Variants in PRKCH observed in about 807,000 individuals in gnomAD.
PRKCH encodes protein kinase C eta, also known as protein kinase C eta type.
Under a neutral mutation model 82.5 loss-of-function variants are expected in PRKCH, and 28 were observed. The observed-to-expected ratio is 0.34, with a 90% CI of 0.25 to 0.47. The LOEUF is 0.47. Among genes scored for constraint, PRKCH ranks in the 20% least tolerant of loss-of-function variants. The pLI, the probability that PRKCH is intolerant of heterozygous loss-of-function variation, is 1.00. For missense variants in PRKCH, 705 were observed against 881.8 expected (o/e 0.80, Z 2.54); for synonymous variants, 322 against 327.4 (o/e 0.98, Z 0.18).
At chr14:61,201,405 G>C (rs1355748422) in intron 1 of PRKCH, among the ~76,000 whole-genome samples, 1 of 151,964 alleles carries the variant, frequency 6.6e-6, no homozygotes, top group East Asian at 1.9e-4. Context: ...ATGATATATT[G>C]CTTCTGGCTA....
intron 2 of PRKCH, among the ~76,000 whole-genome samples, chr14:61,402,355 T>A (rs1594666592): frequency 6.6e-6 from 1 of 152,234 alleles, no homozygotes; most frequent in South Asian, 2.1e-4. Context: ...TGTTTACTTT[T>A]GTGTGGTATT....
intron 1 of PRKCH, among the ~76,000 whole-genome samples, chr14:61,271,146 C>A (rs539352880): frequency 5.1e-4 from 78 of 152,276 alleles, no homozygotes; most frequent in Admixed American, 9.2e-4. Context: ...CACTAGTGTA[C>A]CCACCTCCCA....
chr14:61,206,416 G>A (rs949682058), intron 1 of PRKCH, among the ~76,000 whole-genome samples: 8 of 152,100 alleles, frequency 5.3e-5, no homozygotes, highest in African/African-American at 1.9e-4. Flanking sequence ...TCTTCTTATA[G>A]GAAACCAATC....
chr14:61,377,292 C>T (rs78591535), intron 1 of PRKCH, among the ~76,000 whole-genome samples: 350 of 152,254 alleles, frequency 2.3e-3, no homozygotes, highest in Non-Finnish European at 4.1e-3. Context: ...TTTTCCTGTG[C>T]TCTTTCTTGA....
intron 1 of PRKCH, among the ~76,000 whole-genome samples, chr14:61,225,376 C>A (rs568611789): frequency 6.6e-6 from 1 of 152,182 alleles, no homozygotes; most frequent in African/African-American, 2.4e-5. Flanking sequence ...TTCCTTCCTG[C>A]CAAGGGGAGA....
chr14:61,325,817 C>A (rs2140121099), intron 1 of PRKCH, among the ~76,000 whole-genome samples: 1 of 152,262 alleles, frequency 6.6e-6, no homozygotes, highest in Non-Finnish European at 1.5e-5. Flanking sequence ...TCAAATATTT[C>A]AATAGGCACT....
Position 61,550,678 on chromosome 14 carries a change from G to C in PRKCH, c.*847G>C, listed in dbSNP as rs145237577. ...TCACTGCCACAACAGCACAGTCAGC[G>C]GGTGAATTACAGGTGCCTGCTGCCT... On this transcript the variant is annotated 3_prime_UTR_variant, in exon 14 of 14. Coordinates refer to ENST00000332981, the MANE Select transcript of PRKCH (RefSeq NM_006255.5). The C allele has an allele frequency of 6.5e-6, 1 of 152,732 alleles. No homozygotes were observed. The highest frequency in any genetic ancestry group is 1.9e-4 in the East Asian group (1 of 5,186). The allele number at this position is 152,732 out of a possible 1,614,324, so 9.5% of individuals were successfully genotyped here.
intron 10 of PRKCH, among the ~76,000 whole-genome samples, chr14:61,521,364 A>G (rs1018592624): frequency 3.3e-5 from 5 of 152,154 alleles, no homozygotes; most frequent in Non-Finnish European, 5.9e-5. Flanking sequence ...TTATTTAGCC[A>G]TTCCACGGTT....
At chr14:61,201,658 TTAC>T (rs2044483091) in intron 1 of PRKCH, among the ~76,000 whole-genome samples, 1 of 152,166 alleles carries the variant, frequency 6.6e-6, no homozygotes, top group African/African-American at 2.4e-5. Flanking sequence ...TTATTTAACA[TTAC>T]TACATCAAAA....
At chr14:61,228,718 T>G (rs2140057700) in intron 1 of PRKCH, among the ~76,000 whole-genome samples, 1 of 152,008 alleles carries the variant, frequency 6.6e-6, no homozygotes, top group South Asian at 2.1e-4. Flanking sequence ...GGGAAAGAGT[T>G]TTTCTTTCCT....
At chr14:61,508,518 A>T (rs1304943716) in intron 10 of PRKCH, among the ~76,000 whole-genome samples, 1 of 152,114 alleles carries the variant, frequency 6.6e-6, no homozygotes, top group Non-Finnish European at 1.5e-5. Flanking sequence ...TAGTTGGGTA[A>T]AAGGATCAGT....
intron 1 of PRKCH, among the ~76,000 whole-genome samples, chr14:61,349,895 A>T (rs1183681846): frequency 6.6e-6 from 1 of 152,106 alleles, no homozygotes; most frequent in East Asian, 1.9e-4. Context: ...TGGTATGTCC[A>T]AGTCTGTGTT....
intron 10 of PRKCH, among the ~76,000 whole-genome samples, chr14:61,499,307 T>C (rs1886797445): frequency 6.6e-6 from 1 of 152,196 alleles, no homozygotes; most frequent in African/African-American, 2.4e-5. Flanking sequence ...TGTGAAGTGG[T>C]ACAAGTGCTC....
intron 10 of PRKCH, among the ~76,000 whole-genome samples, chr14:61,502,772 A>G (rs780912509): frequency 6.6e-6 from 1 of 152,142 alleles, no homozygotes; most frequent in Non-Finnish European, 1.5e-5. Flanking sequence ...AAATGAAGCA[A>G]GAGGGGGTAT....
At chr14:61,213,029 C>T (rs1055645002) in intron 1 of PRKCH, among the ~76,000 whole-genome samples, 2 of 152,088 alleles carry the variant, frequency 1.3e-5, no homozygotes, top group African/African-American at 4.8e-5. Flanking sequence ...AAGGCCTACC[C>T]TTATGTCAGG....
intron 1 of PRKCH, among the ~76,000 whole-genome samples, chr14:61,255,265 G>A (rs2044987516): frequency 6.6e-6 from 1 of 152,172 alleles, no homozygotes; most frequent in African/African-American, 2.4e-5. Context: ...CCAGGTTTGT[G>A]TTGTTATTTA....
chr14:61,457,523 A>G lies in PRKCH; in HGVS notation c.1122A>G (p.Val374=). 1.2e-6 allele frequency: 2 copies of G among 1,614,076 alleles called. No homozygotes were observed. The highest frequency in any genetic ancestry group is 1.7e-6 in the Non-Finnish European group (2 of 1,179,972). The part of the protein sequence containing the change: ...GSFGKVMLAR[V]KETGDLYAVK... Reference sequence around the variant, plus strand: ...TGCCATAGGTGATGCTTGCAAGAGTAAAAGAAACAGGAGACCTCTATGCTG... The same window carrying G: ...TGCCATAGGTGATGCTTGCAAGAGTGAAAGAAACAGGAGACCTCTATGCTG... Residue 374 remains valine, a synonymous_variant, in exon 9 of 14, where the codon GTA becomes GTG. Transcript: ENST00000332981.
chr14:61,341,356 T>C (rs1484448531), intron 1 of PRKCH, among the ~76,000 whole-genome samples: 1 of 152,216 alleles, frequency 6.6e-6, no homozygotes, highest in Non-Finnish European at 1.5e-5. Context: ...GAAGGACTTG[T>C]ATAACATTAG....
chr14:61,539,746 A>G (rs1449404836), intron 12 of PRKCH, among the ~76,000 whole-genome samples: 1 of 152,138 alleles, frequency 6.6e-6, no homozygotes, highest in Non-Finnish European at 1.5e-5. Flanking sequence ...ATGCAAAAAT[A>G]GAAGAAAGAA....
Sources: allele counts gnomAD v4.1 joint callset (sites outside exome capture counted in the v4.1 genomes callset), GRCh38; gene constraint gnomAD v4.1.1; transcripts MANE v1.5; gene names NCBI Gene and HGNC (gene_info 2026-07-23, HGNC 2026-07-21).